ENTPD3: variants seen among roughly 807,000 people sequenced by gnomAD.
The protein encoded by ENTPD3 is ectonucleoside triphosphate diphosphohydrolase 3, also known as CD39 antigen-like 3.
In ENTPD3, 60 loss-of-function variants were observed where a neutral mutation model predicts 51.2. The observed-to-expected ratio is 1.17, with a 90% CI of 0.95 to 1.45. The LOEUF is 1.45. ENTPD3 is among the 40% of genes most tolerant of loss of function. The pLI, the probability that ENTPD3 is intolerant of heterozygous loss-of-function variation, is 0.00. For synonymous variants in ENTPD3, 221 were observed against 238.4 expected, an observed-to-expected ratio of 0.93 and a Z score of 0.67; for missense variants, 593 against 641.1, an observed-to-expected ratio of 0.93 and a Z score of 0.81.
chr3:40,406,722 T>C (rs1418740136), intron 4 of ENTPD3, among the ~76,000 whole-genome samples: 1 of 152,128 alleles, frequency 6.6e-6, no homozygotes, highest in African/African-American at 2.4e-5. Context: ...GCATCTAGTG[T>C]ATAGAAGACA....
At chr3:40,426,107 C>CTTTTTTTTTTTTTTT (rs35267876) in intron 10 of ENTPD3, among the ~76,000 whole-genome samples, 1 of 112,446 alleles carries the variant, frequency 8.9e-6, no homozygotes. Flanking sequence ...TTTTTCTTTT[C>CTTTTTTTTTTTTTTT]TTTTTTTTTT....
At position 40,411,913 on chromosome 3, in the gene ENTPD3, G is replaced by A. The variant is rs771858873; in HGVS notation, c.388G>A (p.Gly130Arg). 8 of 1,612,032 alleles carry A rather than the reference G, an allele frequency of 5.0e-6. No homozygotes were observed. The highest frequency in any genetic ancestry group is 2.7e-5 in the African/African-American group (2 of 74,860). Residue 130 changes from glycine to arginine, a missense_variant, in exon 5 of 11, where the codon GGA becomes AGA. By Grantham distance (125) the Gly-to-Arg change is moderately radical (BLOSUM62 -2). Coordinates refer to ENST00000301825, the MANE Select transcript of ENTPD3 (RefSeq NM_001248.4). Reference protein sequence around the residue: ...VKGQVPSHLHGSTPIHLGATA... With the variant: ...VKGQVPSHLHRSTPIHLGATA... The stretch of plus-strand genomic sequence containing the variant: ...GGGGCAGGTTCCATCCCACCTCCAC[G>A]GATCCACCCCCATTCACCTGGGAGC...
At chr3:40,416,732 C>T (rs780082288) in intron 7 of ENTPD3, among the ~76,000 whole-genome samples, 7 of 152,194 alleles carry the variant, frequency 4.6e-5, no homozygotes, top group Non-Finnish European at 1.0e-4. Context: ...CAGACCCAAA[C>T]ACCAGTGCTC....
intron 7 of ENTPD3, among the ~76,000 whole-genome samples, 194 bp from the exon 8 acceptor site, chr3:40,422,656 T>C (rs1955902498): frequency 6.6e-6 from 1 of 152,030 alleles, no homozygotes; most frequent in Non-Finnish European, 1.5e-5. Flanking sequence ...TGATTTTCAA[T>C]TTCATCCATG....
chr3:40,427,385 C>A lies in ENTPD3; in HGVS notation c.1467C>A (p.Gly489=). Residue 489 remains glycine (G), a synonymous_variant, in exon 11 of 11, where the codon GGC becomes GGA. Coordinates refer to ENST00000301825, the MANE Select transcript of ENTPD3 (RefSeq NM_001248.4). ...RLPIEPPVFV[G]TLAFFTAAAL... ...CCATAGAACCACCTGTCTTTGTGGG[C>A]ACCCTCGCTTTCTTCACAGCGGCAG... The A allele has an allele frequency of 6.2e-7, 1 of 1,613,976 alleles. No individual in the cohort carries two copies. The highest frequency in any genetic ancestry group is 8.5e-7 in the Non-Finnish European group (1 of 1,180,004).
chr3:40,411,164 G>A (rs761938093), intron 4 of ENTPD3, among the ~76,000 whole-genome samples: 6 of 151,668 alleles, frequency 4.0e-5, no homozygotes, highest in African/African-American at 7.3e-5. Context: ...GGTGGTGCAC[G>A]CCTGTAATTC....
intron 4 of ENTPD3, among the ~76,000 whole-genome samples, chr3:40,406,165 A>C (rs1161792386): frequency 6.6e-6 from 1 of 152,194 alleles, no homozygotes; most frequent in African/African-American, 2.4e-5. Flanking sequence ...AAGTATGAAG[A>C]ATATGACAGC....
At chr3:40,412,979 C>T (rs1236263853) in intron 5 of ENTPD3, among the ~76,000 whole-genome samples, 2 of 152,152 alleles carry the variant, frequency 1.3e-5, no homozygotes, top group African/African-American at 4.8e-5. Context: ...CTTCCTTTTG[C>T]TTTTTCTTTC....
At position 40,423,841 on chromosome 3, in the gene ENTPD3, C is replaced by T. The variant is rs200942935; in HGVS notation, c.1231C>T (p.Pro411Ser). The T allele has an allele frequency of 9.0e-4, 1,455 of 1,614,058 alleles. 9 individuals carry two copies. Among genetic ancestry groups the T allele is most frequent in the Non-Finnish European group, 2.8e-4 (335 of 1,179,968 alleles). The change falls in exon 10 of 11, where the codon CCC (proline) becomes TCC (serine). Residue 411 changes from proline to serine, a missense_variant. Physicochemically the swap from Pro to Ser is moderately conservative, Grantham distance 74. Transcript: ENST00000301825. ...QNWSQLPLLL[P>S]KFDEVYARSY... Reference sequence around the variant, plus strand: ...AACCTTTCAGCTCCCACTGCTGCTCCCCAAATTTGATGAGGTATATGCCCG... The same window carrying T: ...AACCTTTCAGCTCCCACTGCTGCTCTCCAAATTTGATGAGGTATATGCCCG...
At chr3:40,411,704 C>T in intron 4 of ENTPD3, 108 bp from the exon 5 acceptor site, 1 of 1,240,690 alleles carries the variant, frequency 8.1e-7, no homozygotes, top group Non-Finnish European at 1.1e-6. Flanking sequence ...TTTCGACCCC[C>T]TACCAAACCC....
chr3:40,411,773 C>G lies in ENTPD3; in HGVS notation c.287-39C>G, dbSNP rs765356026. On this transcript the variant is annotated intron_variant, in intron 4 of 10. Transcript: ENST00000301825. ...AAAAGTTGTATCACTGCGATTGGTT[C>G]CTGGAAATGCTGACAGATGCTGACT... 2.6e-6 allele frequency: 4 copies of G among 1,541,292 alleles called. No homozygotes were observed. The African/African-American group carries it at 5.5e-5, about 21-fold the overall frequency.
intron 7 of ENTPD3, among the ~76,000 whole-genome samples, chr3:40,416,610 T>C (rs1217441713): frequency 6.6e-6 from 1 of 152,178 alleles, no homozygotes; most frequent in Non-Finnish European, 1.5e-5. Context: ...TTGATAAGTG[T>C]TCCAGGGCCC....
chr3:40,400,833 G>T (rs557340787), intron 3 of ENTPD3, 61 bp from the exon 4 acceptor site: 2 of 1,328,548 alleles, frequency 1.5e-6, no homozygotes, highest in Admixed American at 1.7e-5. Flanking sequence ...GTGGCCCACT[G>T]AGAAAGCAGT....
chr3:40,412,496 G>A (rs912224970), intron 5 of ENTPD3, among the ~76,000 whole-genome samples: 14 of 152,110 alleles, frequency 9.2e-5, no homozygotes, highest in African/African-American at 3.4e-4. Flanking sequence ...ATGGCTTTTA[G>A]CCCAGTTGCA....
intron 4 of ENTPD3, 85 bp downstream of exon 4, chr3:40,401,096 T>A (rs1195322783): frequency 2.0e-6 from 2 of 987,158 alleles, no homozygotes; most frequent in Non-Finnish European, 1.6e-6. Flanking sequence ...GGTCCTGAGA[T>A]GTTGCTTGGA....
At position 40,427,275 on chromosome 3, in the gene ENTPD3, G is replaced by A. The variant is rs1228867128; in HGVS notation, c.1357G>A (p.Gly453Arg). The change falls in exon 11 of 11, where the codon GGG becomes AGG. Residue 453 changes from glycine to arginine, a missense_variant. Gly to Arg is a moderately radical substitution (Grantham distance 125, BLOSUM62 -2). Coordinates refer to ENST00000301825, the MANE Select transcript of ENTPD3 (RefSeq NM_001248.4). ...AGCCATCTCCTCTACTCCACAGGTG[G>A]GGAATAGCAGCATAGCCTGGTCTCT... is the stretch of plus-strand genomic sequence containing the variant. Reference protein sequence around the residue: ...WPQIHFEKEVGNSSIAWSLGY... With the variant: ...WPQIHFEKEVRNSSIAWSLGY... 3.7e-6 allele frequency: 6 copies of A among 1,613,470 alleles called. No homozygotes were observed. The highest frequency in any genetic ancestry group is 1.6e-4 in the Middle Eastern group (1 of 6,082).
chr3:40,415,493 C>A (rs2125605381), intron 6 of ENTPD3, among the ~76,000 whole-genome samples: 1 of 152,208 alleles, frequency 6.6e-6, no homozygotes, highest in South Asian at 2.1e-4. Flanking sequence ...CTTCTTCTGA[C>A]CTCCTCACTC....
intron 7 of ENTPD3, among the ~76,000 whole-genome samples, chr3:40,417,988 G>A (rs1375151821): frequency 6.6e-6 from 1 of 152,086 alleles, no homozygotes; most frequent in Non-Finnish European, 1.5e-5. Context: ...GTGTGTTTTT[G>A]TACTCATACA....
intron 5 of ENTPD3, among the ~76,000 whole-genome samples, chr3:40,413,137 G>A (rs1484564399): frequency 6.6e-6 from 1 of 152,148 alleles, no homozygotes; most frequent in East Asian, 1.9e-4. Flanking sequence ...CGACATGTGT[G>A]GAGCTACTTA....
Sources: allele counts gnomAD v4.1 joint callset (sites outside exome capture counted in the v4.1 genomes callset), GRCh38; gene constraint gnomAD v4.1.1; transcripts MANE v1.5; gene names NCBI Gene and HGNC (gene_info 2026-07-23, HGNC 2026-07-21).